MRTFA: variants seen among roughly 807,000 people sequenced by gnomAD.
The protein encoded by MRTFA is myocardin-related transcription factor A.
Under a neutral mutation model 83.5 loss-of-function variants are expected in MRTFA, and 20 were observed. That is an observed-to-expected ratio of 0.24 (90% CI 0.17 to 0.35). MRTFA has a LOEUF of 0.35. Among genes scored for constraint, MRTFA ranks in the 10% least tolerant of loss-of-function variants. The pLI, the probability that MRTFA is intolerant of heterozygous loss-of-function variation, is 1.00. For missense variants in MRTFA, 1,200 were observed against 1,224.7 expected, an observed-to-expected ratio of 0.98 and a Z score of 0.30; for synonymous variants, 659 against 541.2, an observed-to-expected ratio of 1.22 and a Z score of -3.02.
rs548121442 is a variant in MRTFA, at chr22:40,608,609, T to C, written c.-83-13874A>G. On this transcript the variant is annotated intron_variant, in intron 1 of 14. Coordinates refer to ENST00000355630, the MANE Select transcript of MRTFA (RefSeq NM_020831.6). The stretch of plus-strand genomic sequence containing the variant: ...GAGGAAACCAGGACTCAACCTCAGG[T>C]CTGTTTGATGCCAAAGTCTTTGGTC... 2.6e-5 allele frequency among the ~76,000 whole-genome samples: 4 copies of C among 152,230 alleles called. No homozygotes were observed. In the East Asian group the frequency reaches 7.7e-4, roughly 29 times the overall value.
At chr22:40,484,863 G>A (rs773147436) in intron 3 of MRTFA, among the ~76,000 whole-genome samples, 19 of 151,960 alleles carry the variant, frequency 1.3e-4, no homozygotes, top group Non-Finnish European at 2.5e-4. Flanking sequence ...ACGAGGTCAG[G>A]AGATCGAGAC....
chr22:40,481,990 G>GC (rs2054100302), intron 3 of MRTFA, among the ~76,000 whole-genome samples: 7 of 151,596 alleles, frequency 4.6e-5, no homozygotes, highest in Admixed American at 3.9e-4. Context: ...AACCCGGGAG[G>GC]CAGAGCGTGC....
chr22:40,445,495 T>C (rs968302500), intron 4 of MRTFA, among the ~76,000 whole-genome samples: 3 of 152,196 alleles, frequency 2.0e-5, no homozygotes, highest in Non-Finnish European at 1.5e-5. Flanking sequence ...TGTTCTTTTA[T>C]AGCTGTTTAG....
chr22:40,420,915 C>G lies in MRTFA; in HGVS notation c.1113G>C (p.Gln371His). The change falls in exon 10 of 15, where the codon CAG becomes CAC. Residue 371 changes from glutamine (Q) to histidine (H), a missense_variant. By Grantham distance (24) the Gln-to-His change is conservative. Around this residue, in one of 2 missense-constraint regions of MRTFA, gnomAD observed 1,107 missense variants for 1,041.8 expected, o/e 1.06. Transcript: ENST00000355630. ...GCTGCTGCTGGTTGAGGATCTGCAG[C>G]TGGAGGAAGAGCTGCTGCTGCTGCA... 1 of 1,614,182 alleles carries G rather than the reference C, an allele frequency of 6.2e-7. No individual in the cohort carries two copies. The highest frequency in any genetic ancestry group is 2.2e-5 in the East Asian group (1 of 44,892).
chr22:40,459,082 A>G (rs2053647319), intron 4 of MRTFA, among the ~76,000 whole-genome samples: 1 of 151,404 alleles, frequency 6.6e-6, no homozygotes, highest in Non-Finnish European at 1.5e-5. Flanking sequence ...CTCAAAAAAA[A>G]AAAAAAAAGA....
At position 40,411,337 on chromosome 22, in the gene MRTFA, A is replaced by G; in HGVS notation, c.*53T>C. ...GCCGAATCACGCAGGAGAGCCACGC[A>G]TTGGAGTACCCTGGCTCCCAGCCCC... On this transcript the variant is annotated 3_prime_UTR_variant, in exon 15 of 15. Coordinates refer to ENST00000355630, the MANE Select transcript of MRTFA (RefSeq NM_020831.6). 1.3e-6 allele frequency: 2 copies of G among 1,504,584 alleles called. No individual in the cohort carries two copies. Among genetic ancestry groups the G allele is most frequent in the South Asian group, 1.3e-5 (1 of 76,938 alleles). 93.2% of individuals were successfully genotyped at this position (1,504,584 alleles called of 1,614,324 possible).
At chr22:40,454,419 T>G (rs564096928) in intron 4 of MRTFA, among the ~76,000 whole-genome samples, 1 of 152,218 alleles carries the variant, frequency 6.6e-6, no homozygotes, top group East Asian at 1.9e-4. Context: ...CCCAGCCCAG[T>G]TGCATTCCTA....
At chr22:40,494,492 C>T (rs1388173107) in intron 3 of MRTFA, among the ~76,000 whole-genome samples, 1 of 151,896 alleles carries the variant, frequency 6.6e-6, no homozygotes, top group Non-Finnish European at 1.5e-5. Flanking sequence ...CCAACCAGGG[C>T]AATATAGTGA....
At chr22:40,570,437 G>A (rs959565823) in intron 2 of MRTFA, among the ~76,000 whole-genome samples, 1 of 151,710 alleles carries the variant, frequency 6.6e-6, no homozygotes, top group Admixed American at 6.6e-5. Flanking sequence ...AATTAGCCTG[G>A]CATGGTGGCA....
intron 3 of MRTFA, among the ~76,000 whole-genome samples, chr22:40,539,012 T>TTC (rs1569318780): frequency 7.5e-6 from 1 of 134,018 alleles, no homozygotes. Context: ...TTTTTTTTTT[T>TTC]GAGACAAAGT....
At chr22:40,447,898 T>C (rs2053411436) in intron 4 of MRTFA, among the ~76,000 whole-genome samples, 1 of 151,900 alleles carries the variant, frequency 6.6e-6, no homozygotes, top group African/African-American at 2.4e-5. Context: ...GGTAAAGGAG[T>C]ATAGAAAACG....
At chr22:40,608,928 T>C (rs960001941) in intron 1 of MRTFA, among the ~76,000 whole-genome samples, 1 of 152,308 alleles carries the variant, frequency 6.6e-6, no homozygotes, top group East Asian at 1.9e-4. Flanking sequence ...TTAGAATGAC[T>C]GTTATCAAAT....
intron 3 of MRTFA, chr22:40,519,560 T>C: frequency 1.5e-6 from 2 of 1,348,928 alleles, no homozygotes; most frequent in South Asian, 2.5e-5. Context: ...CACTCCAAAG[T>C]GGAGGTGAAA....
At chr22:40,451,546 C>G (rs1027027875) in intron 4 of MRTFA, among the ~76,000 whole-genome samples, 1 of 152,150 alleles carries the variant, frequency 6.6e-6, no homozygotes, top group Non-Finnish European at 1.5e-5. Context: ...CAATCTTTTC[C>G]TTCCCAAGAG....
intron 1 of MRTFA, among the ~76,000 whole-genome samples, chr22:40,612,820 G>A (rs1401448182): frequency 1.3e-5 from 2 of 152,106 alleles, no homozygotes; most frequent in Non-Finnish European, 2.9e-5. Flanking sequence ...GTATAGTGGT[G>A]CATGGCTGCC....
intron 2 of MRTFA, among the ~76,000 whole-genome samples, chr22:40,575,275 G>C (rs2055851748): frequency 6.6e-6 from 1 of 152,102 alleles, no homozygotes; most frequent in Non-Finnish European, 1.5e-5. Context: ...CCCTTGCATA[G>C]AGAAGATACT....
At chr22:40,422,087 C>G (rs913012545) in intron 9 of MRTFA, among the ~76,000 whole-genome samples, 1 of 152,080 alleles carries the variant, frequency 6.6e-6, no homozygotes, top group Non-Finnish European at 1.5e-5. Flanking sequence ...AACAGAGCCA[C>G]AGAGAGCCTG....
chr22:40,454,574 A>G (rs994114522), intron 4 of MRTFA, among the ~76,000 whole-genome samples: 2 of 152,240 alleles, frequency 1.3e-5, no homozygotes, highest in Non-Finnish European at 2.9e-5. Flanking sequence ...AAAAGCACGA[A>G]CAATACATCA....
intron 4 of MRTFA, among the ~76,000 whole-genome samples, chr22:40,447,878 G>A (rs2053411326): frequency 6.6e-6 from 1 of 152,158 alleles, no homozygotes; most frequent in African/African-American, 2.4e-5. Context: ...TTCATCAAGA[G>A]GTGGCAGAAG....
Sources: allele counts gnomAD v4.1 joint callset (sites outside exome capture counted in the v4.1 genomes callset), GRCh38; gene constraint gnomAD v4.1.1; regional missense constraint gnomAD v4.1.1; transcripts MANE v1.5; gene names NCBI Gene and HGNC (gene_info 2026-07-23, HGNC 2026-07-21).